The following PCDH19 variants were observed in gnomAD, a reference collection of about 807,000 sequenced individuals.
PCDH19 encodes protocadherin 19, also known as protocadherin-19.
A neutral mutation model predicts 46.2 loss-of-function variants in PCDH19; 6 were observed. That is an observed-to-expected ratio of 0.13 (90% confidence interval 0.07 to 0.26). PCDH19 has a LOEUF of 0.26. PCDH19 is among the 10% of genes least tolerant of loss of function. The pLI, the probability that PCDH19 is intolerant of heterozygous loss-of-function variation, is 1.00. For missense variants in PCDH19, 740 were observed against 972.3 expected (o/e 0.76, Z 3.18); for synonymous variants, 481 against 415.7 (o/e 1.16, Z -1.91).
chrX:100,328,406 G>A (rs1925766524), intron 5 of PCDH19, among the ~76,000 whole-genome samples: 1 of 111,703 alleles, frequency 9.0e-6, no homozygotes, highest in Non-Finnish European at 1.9e-5. Context: ...CAGTTTGAAC[G>A]TTGAGTGGGC....
chrX:100,323,164 G>T (rs886534045), intron 5 of PCDH19, among the ~76,000 whole-genome samples: 1 of 110,028 alleles, frequency 9.1e-6, no homozygotes, highest in Non-Finnish European at 1.9e-5. Flanking sequence ...CACACTGAGA[G>T]GTCAATATCT....
Position 100,296,521 on chromosome X carries a change from G to C in PCDH19, c.3203C>G (p.Pro1068Arg), listed in dbSNP as rs757057837. The C allele has an allele frequency of 4.1e-6, 5 of 1,211,068 alleles. No individual in the cohort carries two copies. Among genetic ancestry groups the C allele is most frequent in the South Asian group, 1.8e-5 (1 of 56,922 alleles). ...GGGCAGAGAGCTCTTGAGGTGGAGGGGGGAGGTGACAGGGCTAATCGCCTC... is the reference window on the plus strand; with the variant it reads ...GGGCAGAGAGCTCTTGAGGTGGAGGCGGGAGGTGACAGGGCTAATCGCCTC... ...GCEAISPVTS[P>R]LHLKSSLPTK... is the part of the protein sequence containing the mutation. Residue 1068 changes from proline to arginine, a missense_variant, in exon 6 of 6, where the codon CCC becomes CGC. Pro to Arg is a moderately radical substitution (Grantham distance 103). Transcript: ENST00000373034.
At chrX:100,342,330 G>C in intron 4 of PCDH19, among the ~76,000 whole-genome samples, 1 of 112,233 alleles carries the variant, frequency 8.9e-6, no homozygotes, top group Non-Finnish European at 1.9e-5. Flanking sequence ...AGACAAGGTG[G>C]AAGAAGCTAC....
chrX:100,324,253 T>C (rs967848258), intron 5 of PCDH19, among the ~76,000 whole-genome samples: 16 of 112,355 alleles, frequency 1.4e-4, no homozygotes, highest in Admixed American at 1.1e-3. Context: ...CACTGGTTCT[T>C]AGTTTTAACA....
chrX:100,348,678 T>C (rs1384259021), intron 4 of PCDH19, among the ~76,000 whole-genome samples: 1 of 111,861 alleles, frequency 8.9e-6, no homozygotes, highest in African/African-American at 3.3e-5. Flanking sequence ...TGTGTATGTG[T>C]CTATAAACAA....
rs905331012 is a variant in PCDH19, at chrX:100,409,481, C to G, written c.-884G>C. ...CTGCGGGCGTTTTCGTCTAGGAAAT[C>G]AAAGTTAACAACGCAGTCCGACCCT... On this transcript the variant is annotated 5_prime_UTR_variant, in exon 1 of 6. Coordinates refer to ENST00000373034, the MANE Select transcript of PCDH19 (RefSeq NM_001184880.2). 3 of 116,926 alleles carry G rather than the reference C, an allele frequency of 2.6e-5. No homozygotes were observed. Among genetic ancestry groups the G allele is most frequent in the African/African-American group, 9.7e-5 (3 of 30,877 alleles). The allele number at this position is 116,926 out of a possible 1,213,427, so 9.6% of individuals were successfully genotyped here.
chrX:100,303,700 C>A (rs1924856713), intron 5 of PCDH19, among the ~76,000 whole-genome samples: 1 of 112,121 alleles, frequency 8.9e-6, no homozygotes, highest in African/African-American at 3.2e-5. Flanking sequence ...AATTACACTA[C>A]AAACAACTAC....
At chrX:100,319,004 A>G (rs1429943448) in intron 5 of PCDH19, among the ~76,000 whole-genome samples, 1 of 111,413 alleles carries the variant, frequency 9.0e-6, no homozygotes, top group Non-Finnish European at 1.9e-5. Context: ...AAAAACCTAC[A>G]CATGCAGAAT....
At chrX:100,382,445 C>A (rs2147517710) in intron 3 of PCDH19, among the ~76,000 whole-genome samples, 1 of 112,300 alleles carries the variant, frequency 8.9e-6, no homozygotes, top group South Asian at 3.7e-4. Flanking sequence ...GGAACATGAT[C>A]TCAAAAGTTC....
At chrX:100,333,848 A>G (rs1460474076) in intron 5 of PCDH19, among the ~76,000 whole-genome samples, 1 of 100,491 alleles carries the variant, frequency 1.0e-5, no homozygotes, top group Non-Finnish European at 2.0e-5. Flanking sequence ...GGAGTGCAGT[A>G]GTACAATCTC....
intron 5 of PCDH19, among the ~76,000 whole-genome samples, chrX:100,320,632 C>G (rs1925446376): frequency 9.1e-6 from 1 of 110,434 alleles, no homozygotes; most frequent in Non-Finnish European, 1.9e-5. Context: ...ACTTGCAGTC[C>G]AATAAGCCAA....
At chrX:100,356,782 C>T (rs1264694756) in intron 3 of PCDH19, among the ~76,000 whole-genome samples, 2 of 111,201 alleles carry the variant, frequency 1.8e-5, no homozygotes, top group Non-Finnish European at 3.8e-5. Context: ...CTCACACACA[C>T]ACACTCACAC....
intron 5 of PCDH19, among the ~76,000 whole-genome samples, chrX:100,324,025 T>A (rs904110209): frequency 1.8e-5 from 2 of 111,917 alleles, no homozygotes; most frequent in Non-Finnish European, 3.8e-5. Flanking sequence ...AGATTTGGCT[T>A]ACAGTGTTAA....
chrX:100,339,456 G>A (rs1387197704), intron 5 of PCDH19, among the ~76,000 whole-genome samples: 1 of 112,591 alleles, frequency 8.9e-6, no homozygotes, highest in Non-Finnish European at 1.9e-5. Context: ...GATCAGGCAT[G>A]CATGGTGGAT....
chrX:100,376,248 AAAAAAAGAAAAGAAAAG>A (rs1223737344), intron 3 of PCDH19, among the ~76,000 whole-genome samples: 1 of 90,932 alleles, frequency 1.1e-5, no homozygotes, highest in Non-Finnish European at 2.2e-5. Flanking sequence ...AAAAAAAAAA[AAAAAAAGAAAAGAAAAG>A]AAAAAAGAAA....
At chrX:100,367,833 A>G (rs1927110914) in intron 3 of PCDH19, among the ~76,000 whole-genome samples, 1 of 111,501 alleles carries the variant, frequency 9.0e-6, no homozygotes, top group Admixed American at 9.5e-5. Context: ...ACAGAGAAGA[A>G]AGCCTCCATG....
At chrX:100,403,489 C>T (rs1379301149) in intron 2 of PCDH19, 35 bp downstream of exon 2, 8 of 1,199,329 alleles carry the variant, frequency 6.7e-6, no homozygotes, top group Non-Finnish European at 9.0e-6. Flanking sequence ...ATCTAATAGC[C>T]AAACCCATTT....
At chrX:100,358,812 T>C (rs1926794080) in intron 3 of PCDH19, among the ~76,000 whole-genome samples, 1 of 111,972 alleles carries the variant, frequency 8.9e-6, no homozygotes. Context: ...TCAGTATGAG[T>C]AAGAGTACCT....
chrX:100,332,815 G>C (rs1336756247), intron 5 of PCDH19, among the ~76,000 whole-genome samples: 1 of 108,933 alleles, frequency 9.2e-6, no homozygotes, highest in Non-Finnish European at 1.9e-5. Context: ...AGGGGCTAAA[G>C]ACCAGCCTGG....
Sources: allele counts gnomAD v4.1 joint callset (sites outside exome capture counted in the v4.1 genomes callset), GRCh38; gene constraint gnomAD v4.1.1; transcripts MANE v1.5; gene names NCBI Gene and HGNC (gene_info 2026-07-23, HGNC 2026-07-21).